The following MAEA variants were observed in gnomAD, a reference collection of about 807,000 sequenced individuals.
MAEA encodes E3 ubiquitin-protein transferase MAEA.
In MAEA, 22 loss-of-function variants were observed where a neutral mutation model predicts 46.2. The observed-to-expected ratio is 0.48, with a 90% CI of 0.34 to 0.68. MAEA has a LOEUF of 0.68. MAEA is among the 30% of genes least tolerant of loss of function. MAEA has a pLI of 0.01. For missense variants in MAEA, 393 were observed against 558.1 expected (o/e 0.70, Z 2.98); for synonymous variants, 246 against 222.6 (o/e 1.11, Z -0.94).
intron 2 of MAEA, chr4:1,312,384 C>T: frequency 3.5e-6 from 2 of 572,212 alleles, no homozygotes; most frequent in East Asian, 5.9e-5. Flanking sequence ...GTCCAGAGTC[C>T]AGGCCACAGG....
chr4:1,339,417 C>A lies in MAEA; in HGVS notation c.*248C>A. ...TGATGCTTCTGAAAAGTACTTTCAA[C>A]TTGCGAAGGAAACTCTTCTTTAAAG... is the stretch of plus-strand genomic sequence containing the variant. On this transcript the variant is annotated 3_prime_UTR_variant, in exon 9 of 9. Coordinates refer to ENST00000303400, the MANE Select transcript of MAEA (RefSeq NM_001017405.3). 1.9e-6 allele frequency: 1 copy of A among 527,006 alleles called. No homozygotes were observed. The allele number at this position is 527,006 out of a possible 1,614,324, so 32.6% of individuals were successfully genotyped here.
rs2108907561 is a variant in MAEA, at chr4:1,311,912, C to G, written c.70-67C>G. ...GTGCCATGAGGAGACCTGGTGTGTC[C>G]TGGGTGTGGGGCTGGTGGGGCTCAC... is the stretch of plus-strand genomic sequence containing the variant. On this transcript the variant is annotated intron_variant, in intron 1 of 8. Transcript: ENST00000303400. The surrounding 1 kb of genome is among the most constrained non-coding windows in gnomAD (Gnocchi z 4.4). The G allele has an allele frequency of 6.8e-7, 1 of 1,459,934 alleles. No individual in the cohort carries two copies. Among genetic ancestry groups the G allele is most frequent in the Non-Finnish European group, 9.4e-7 (1 of 1,060,240 alleles). The allele number at this position is 1,459,934 out of a possible 1,614,324, so 90.4% of individuals were successfully genotyped here. A position where few individuals can be genotyped will look rare whatever the true frequency, so the allele number is the denominator to read the frequency against.
chr4:1,291,760 T>G (rs1734132089), intron 1 of MAEA, among the ~76,000 whole-genome samples: 1 of 152,262 alleles, frequency 6.6e-6, no homozygotes, highest in Admixed American at 6.5e-5. Flanking sequence ...AGGATTCTTC[T>G]TCAGGTCTTC....
chr4:1,315,670 A>G, intron 3 of MAEA, 70 bp downstream of exon 3: 1 of 1,499,614 alleles, frequency 6.7e-7, no homozygotes, highest in Non-Finnish European at 9.2e-7. Context: ...GCCCTGTGGC[A>G]TGTCCCCCGG....
intron 1 of MAEA, among the ~76,000 whole-genome samples, chr4:1,295,639 T>C (rs73069983): frequency 0.16 from 19,566 of 121,588 alleles, 2,849 homozygotes; most frequent in East Asian, 0.43. Flanking sequence ...CCATCACCCG[T>C]ACCTGTACCC....
chr4:1,297,271 G>A (rs944352514), intron 1 of MAEA, among the ~76,000 whole-genome samples: 7 of 152,214 alleles, frequency 4.6e-5, no homozygotes, highest in South Asian at 4.1e-4. Flanking sequence ...TTGAGTCCAC[G>A]ATGGCTGCTG....
intron 4 of MAEA, among the ~76,000 whole-genome samples, chr4:1,327,350 G>A (rs929848410): frequency 3.9e-5 from 6 of 152,248 alleles, no homozygotes; most frequent in Non-Finnish European, 7.3e-5. Flanking sequence ...CGCCCTGAGC[G>A]CCCTGGCCTT....
chr4:1,325,921 G>T (rs532559553), intron 4 of MAEA, among the ~76,000 whole-genome samples: 1 of 152,340 alleles, frequency 6.6e-6, no homozygotes, highest in South Asian at 2.1e-4. Flanking sequence ...GAGCAAGCCT[G>T]TGAGTTCTGC....
At chr4:1,306,059 T>G (rs1330759669) in intron 1 of MAEA, among the ~76,000 whole-genome samples, 1 of 152,200 alleles carries the variant, frequency 6.6e-6, no homozygotes, top group Non-Finnish European at 1.5e-5. Context: ...CTCAGCAGAT[T>G]GGGCAGGGCC....
At chr4:1,302,885 C>G (rs1018521381) in intron 1 of MAEA, among the ~76,000 whole-genome samples, 18 of 152,166 alleles carry the variant, frequency 1.2e-4, no homozygotes, top group African/African-American at 4.3e-4. Context: ...CAAACCAAAA[C>G]CACAGTGAGG....
intron 6 of MAEA, chr4:1,335,300 G>A: frequency 2.0e-6 from 2 of 985,488 alleles, no homozygotes; most frequent in Non-Finnish European, 1.2e-6. Flanking sequence ...CCAGCTGTGT[G>A]AGTCTATTTT....
chr4:1,298,931 G>C (rs1430474239), intron 1 of MAEA, among the ~76,000 whole-genome samples: 1 of 152,078 alleles, frequency 6.6e-6, no homozygotes, highest in Non-Finnish European at 1.5e-5. Flanking sequence ...ACCCAGGCGG[G>C]AGTGCAGTGG....
At chr4:1,296,439 G>A (rs570497038) in intron 1 of MAEA, among the ~76,000 whole-genome samples, 45 of 92,580 alleles carry the variant, frequency 4.9e-4, no homozygotes, top group African/African-American at 1.5e-3. Flanking sequence ...TGCCTGTGCC[G>A]TTCCTCACCC....
intron 1 of MAEA, among the ~76,000 whole-genome samples, chr4:1,303,629 G>A (rs1171866166): frequency 1.3e-5 from 2 of 152,088 alleles, no homozygotes; most frequent in African/African-American, 2.4e-5. Flanking sequence ...GAATTGGTTG[G>A]TGGTTGATTG....
At position 1,315,470 on chromosome 4, in the gene MAEA, A is replaced by C; in HGVS notation, c.326A>C (p.His109Pro). The C allele has an allele frequency of 1.2e-6, 2 of 1,613,904 alleles. No individual in the cohort carries two copies. Among genetic ancestry groups the C allele is most frequent in the Non-Finnish European group, 1.7e-6 (2 of 1,180,010 alleles). Residue 109 changes from histidine (H) to proline (P), a missense_variant, in exon 3 of 9, where the codon CAT (histidine) becomes CCT (proline). Physicochemically the swap from His to Pro is moderately conservative, Grantham distance 77. Coordinates refer to ENST00000303400, the MANE Select transcript of MAEA (RefSeq NM_001017405.3). ...CGCCGGATCGAGCACCTCAAAGAGC[A>C]TAGCAGCGACCAGCCCGCGGCGGCC... Reference protein sequence around the residue: ...CKRRIEHLKEHSSDQPAAASV... With the variant: ...CKRRIEHLKEPSSDQPAAASV...
chr4:1,326,086 C>T (rs745741012), intron 4 of MAEA, among the ~76,000 whole-genome samples: 5 of 152,314 alleles, frequency 3.3e-5, no homozygotes, highest in East Asian at 1.9e-4. Flanking sequence ...CCCACACCCA[C>T]GCGGAGCCAC....
intron 1 of MAEA, among the ~76,000 whole-genome samples, chr4:1,293,616 C>T (rs919621758): frequency 6.6e-6 from 1 of 152,204 alleles, no homozygotes; most frequent in African/African-American, 2.4e-5. Flanking sequence ...CTCTGTGAAC[C>T]CCACCTGGGC....
intron 3 of MAEA, among the ~76,000 whole-genome samples, chr4:1,320,218 T>C (rs1448126204): frequency 6.8e-6 from 1 of 146,370 alleles, no homozygotes; most frequent in Non-Finnish European, 1.5e-5. Flanking sequence ...AAGAAAACAC[T>C]ATGAAGGGGC....
At position 1,332,743 on chromosome 4, in the gene MAEA, ATGT is replaced by A. The variant is rs1312999419; in HGVS notation, c.657-9_657-7del. 5 of 1,601,820 alleles carry A rather than the reference ATGT, an allele frequency of 3.1e-6. No homozygotes were observed. Among genetic ancestry groups the A allele is most frequent in the South Asian group, 1.1e-5 (1 of 90,234 alleles). On this transcript the variant is annotated splice_polypyrimidine_tract_variant and intron_variant, in intron 5 of 8. Coordinates refer to ENST00000303400, the MANE Select transcript of MAEA (RefSeq NM_001017405.3). ...AAAACGCAAACTTAAATGTGCCAAA[ATGT>A]TGTTTTTTAGACATGCAAGAAAGCA...
Sources: gnomAD v4.1 joint callset for allele counts (sites outside exome capture counted in the v4.1 genomes callset) on GRCh38, gnomAD v4.1.1 for gene constraint, Gnocchi (gnomAD v3.1) non-coding constraint, MANE v1.5 for transcripts, NCBI Gene and HGNC (gene_info 2026-07-23, HGNC 2026-07-21) for gene names.